The following QPCTL variants were observed in gnomAD, a reference collection of about 807,000 sequenced individuals.
QPCTL encodes the protein glutaminyl-peptide cyclotransferase-like protein.
A neutral mutation model predicts 34.6 loss-of-function variants in QPCTL; 31 were observed. The ratio of observed to expected loss-of-function variants is 0.90; its 90% CI spans 0.67 to 1.21. The LOEUF (loss-of-function observed/expected upper bound fraction) is 1.21. QPCTL is among the 50% of genes most tolerant of loss of function. The pLI, the probability that QPCTL is intolerant of heterozygous loss-of-function variation, is 0.00. For missense variants in QPCTL, 474 were observed against 507.8 expected (o/e 0.93, Z 0.64); for synonymous variants, 223 against 226.9 (o/e 0.98, Z 0.15).
In QPCTL at chr19:45,698,645, C is replaced by T; in HGVS notation, c.732C>T (p.Ala244=). 2 of 1,614,110 alleles carry T rather than the reference C, an allele frequency of 1.2e-6. No homozygotes were observed. Among genetic ancestry groups the T allele is most frequent in the Non-Finnish European group, 1.7e-6 (2 of 1,180,016 alleles). Residue 244 remains alanine (A), a synonymous_variant, in exon 4 of 7, where the codon GCC becomes GCT. Transcript: ENST00000012049. ...KDSLYGSRHL[A]QLMESIPHSP... is the part of the protein sequence containing the mutation. ...CCCTTTACGGTTCCCGGCACCTGGC[C>T]CAGCTCATGGAGTCTATACCTCACA...
chr19:45,701,277 C>CT (rs34262469), intron 5 of QPCTL, among the ~76,000 whole-genome samples: 9,937 of 141,338 alleles, frequency 0.07, 392 homozygotes, highest in African/African-American at 0.12. Context: ...AGAGCAAGAT[C>CT]TTTTTTTTTT....
intron 3 of QPCTL, among the ~76,000 whole-genome samples, chr19:45,697,374 C>T (rs1357639568): frequency 7.0e-5 from 10 of 143,038 alleles, no homozygotes; most frequent in African/African-American, 2.6e-4. Context: ...TGCAGTGAGC[C>T]GAGATCGCGC....
At position 45,695,653 on chromosome 19, in the gene QPCTL, C is replaced by T; in HGVS notation, c.568C>T (p.Pro190Ser). ...TGTAGGGGCCACGGATTCGGCTGTG[C>T]CCTGTGCCCTGCTGCTGGAGCTGGC... ...PFVGATDSAVPCALLLELAQA... is the reference protein window; with the variant it reads ...PFVGATDSAVSCALLLELAQA... Residue 190 changes from proline (P) to serine (S), a missense_variant, in exon 3 of 7, where the codon CCC becomes TCC. Transcript: ENST00000012049. 6.2e-7 allele frequency: 1 copy of T among 1,613,810 alleles called. No homozygotes were observed. The highest frequency in any genetic ancestry group is 8.5e-7 in the Non-Finnish European group (1 of 1,179,946).
In QPCTL at chr19:45,693,319, C is replaced by A. The variant is rs906412280; in HGVS notation, c.208-94C>A. 1.9e-5 allele frequency: 27 copies of A among 1,446,170 alleles called. No homozygotes were observed. The Middle Eastern group carries it at 7.7e-4, about 41-fold the overall frequency. The allele number at this position is 1,446,170 out of a possible 1,614,324, so 89.6% of individuals were successfully genotyped here. On this transcript the variant is annotated intron_variant, in intron 1 of 6. Transcript: ENST00000012049. Reference sequence around the variant, plus strand: ...TGGAGGCGGCAGATTAGGAAGAGAACCCGGGGCTCCTCGCGGGTGACGGCG... The same window carrying A: ...TGGAGGCGGCAGATTAGGAAGAGAAACCGGGGCTCCTCGCGGGTGACGGCG...
At chr19:45,694,587 C>T (rs1035157252) in intron 2 of QPCTL, among the ~76,000 whole-genome samples, 7 of 151,906 alleles carry the variant, frequency 4.6e-5, no homozygotes, top group Non-Finnish European at 4.4e-5. Flanking sequence ...TCTCATGCTT[C>T]AGCCTCCTGA....
Position 45,692,865 on chromosome 19 carries a change from C to G in QPCTL, c.162C>G (p.Gly54=). The G allele has an allele frequency of 6.4e-7, 1 of 1,553,602 alleles. No individual in the cohort carries two copies. Among genetic ancestry groups the G allele is most frequent in the African/African-American group, 1.4e-5 (1 of 73,634 alleles). ...VGSAFYTIWS[G]WHRRTEELPL... is the part of the protein sequence containing the mutation. ...CGGCGTTCTACACCATTTGGAGCGG[C>G]TGGCACCGCAGGACTGAGGAGCTGC... The change falls in exon 1 of 7, where the codon GGC becomes GGG. Residue 54 remains glycine (G), a synonymous_variant. Transcript: ENST00000012049.
In QPCTL at chr19:45,703,099, C is replaced by T. The variant is rs776292861; in HGVS notation, c.*50C>T. 8.7e-6 allele frequency: 14 copies of T among 1,607,598 alleles called. No individual in the cohort carries two copies. The East Asian group carries it at 8.9e-5, about 10-fold the overall frequency. Reference sequence around the variant, plus strand: ...AGGACTGTGAGAGAGAAGGTCCCAGCGGGGGCCAGTGAAGCTCAGGCAGGA... The same window carrying T: ...AGGACTGTGAGAGAGAAGGTCCCAGTGGGGGCCAGTGAAGCTCAGGCAGGA... On this transcript the variant is annotated 3_prime_UTR_variant, in exon 7 of 7. Transcript: ENST00000012049.
intron 3 of QPCTL, among the ~76,000 whole-genome samples, chr19:45,696,892 G>A (rs890121625): frequency 6.6e-6 from 1 of 152,074 alleles, no homozygotes; most frequent in Non-Finnish European, 1.5e-5. Context: ...GGAGGCCGAG[G>A]CAGGCAGATC....
At chr19:45,695,289 AAAAAAAAG>A (rs1967666826) in intron 2 of QPCTL, 140 bp from the exon 3 acceptor site, 1 of 797,430 alleles carries the variant, frequency 1.3e-6, no homozygotes, top group African/African-American at 1.8e-5. Flanking sequence ...CCATCTCAAA[AAAAAAAAG>A]AAAGAAAGAA....
chr19:45,696,159 G>A (rs1967691137), intron 3 of QPCTL, among the ~76,000 whole-genome samples: 1 of 152,036 alleles, frequency 6.6e-6, no homozygotes, highest in Non-Finnish European at 1.5e-5. Flanking sequence ...GCTGTGCCCT[G>A]TTACCTCTCC....
In QPCTL at chr19:45,701,783, C is replaced by T. The variant is rs376881900; in HGVS notation, c.887-15C>T. The stretch of plus-strand genomic sequence containing the variant: ...TAAGGACTAACCCTTCCTCTCTAAT[C>T]GCCCCCACTTCCAGAGAAGCGTCTG... On this transcript the variant is annotated splice_polypyrimidine_tract_variant and intron_variant, in intron 5 of 6. Coordinates refer to ENST00000012049, the MANE Select transcript of QPCTL (RefSeq NM_017659.4). 1.3e-4 allele frequency: 202 copies of T among 1,592,082 alleles called. No homozygotes were observed. Among genetic ancestry groups the T allele is most frequent in the Middle Eastern group, 1.2e-3 (7 of 5,998 alleles).
intron 2 of QPCTL, 60 bp from the exon 3 acceptor site, chr19:45,695,377 C>T: frequency 2.0e-6 from 3 of 1,494,116 alleles, no homozygotes; most frequent in Non-Finnish European, 2.8e-6. Flanking sequence ...GGTCACGTGG[C>T]CCTTCTCCCC....
Position 45,703,192 on chromosome 19 carries a change from C to G in QPCTL, c.*143C>G, listed in dbSNP as rs953366018. ...TCCTAATTGTGCTACAATTGGAAGA[C>G]CTTCTTTCTTTTGATTGTCTCAAGC... On this transcript the variant is annotated 3_prime_UTR_variant, in exon 7 of 7. Transcript: ENST00000012049. 2 of 1,104,092 alleles carry G rather than the reference C, an allele frequency of 1.8e-6. No homozygotes were observed. The highest frequency in any genetic ancestry group is 3.1e-5 in the African/African-American group (2 of 63,558). 68.4% of individuals were successfully genotyped at this position (1,104,092 alleles called of 1,614,324 possible). A position where few individuals can be genotyped will look rare whatever the true frequency, so the allele number is the denominator to read the frequency against.
intron 5 of QPCTL, among the ~76,000 whole-genome samples, 182 bp from the exon 6 acceptor site, chr19:45,701,616 A>C (rs763845408): frequency 6.6e-6 from 1 of 152,072 alleles, no homozygotes; most frequent in Non-Finnish European, 1.5e-5. Flanking sequence ...TATGTCTTAG[A>C]CTCTGAGGGA....
chr19:45,693,990 C>T (rs1190625710), intron 2 of QPCTL, among the ~76,000 whole-genome samples: 1 of 152,050 alleles, frequency 6.6e-6, no homozygotes, highest in Non-Finnish European at 1.5e-5. Flanking sequence ...CTAGTGAGAC[C>T]CAATGTTTAG....
chr19:45,701,740 C>A, intron 5 of QPCTL, 58 bp from the exon 6 acceptor site: 5 of 1,340,740 alleles, frequency 3.7e-6, no homozygotes, highest in Non-Finnish European at 5.2e-6. Flanking sequence ...GATTTGTGGA[C>A]TGGGGACCTT....
intron 2 of QPCTL, 140 bp downstream of exon 2, chr19:45,693,696 G>A (rs1967630170): frequency 1.6e-6 from 2 of 1,230,740 alleles, no homozygotes; most frequent in Non-Finnish European, 2.2e-6. Flanking sequence ...ACTCCATGCT[G>A]GTAACAAACC....
rs1295282563 is a variant in QPCTL at position 45,692,782 on chromosome 19, C to G, written c.79C>G (p.Arg27Gly). 1.3e-6 allele frequency: 2 copies of G among 1,587,978 alleles called. No individual in the cohort carries two copies. Residue 27 changes from arginine (R) to glycine (G), a missense_variant, in exon 1 of 7, where the codon CGC becomes GGC. Arg to Gly is a moderately radical substitution (Grantham distance 125). Coordinates refer to ENST00000012049, the MANE Select transcript of QPCTL (RefSeq NM_017659.4). The stretch of plus-strand genomic sequence containing the variant: ...CATGGAGCCACTCTTGCCGCCGAAG[C>G]GCCGCCTGCTACCGCGGGTTCGGCT... ...GLMEPLLPPK[R>G]RLLPRVRLLP...
chr19:45,695,450 C>T lies in QPCTL; in HGVS notation c.365C>T (p.Thr122Met), dbSNP rs139605762. The T allele has an allele frequency of 6.8e-5, 110 of 1,611,322 alleles. 1 individual carries two copies. The highest frequency in any genetic ancestry group is 4.0e-4 in the South Asian group (36 of 90,996). Residue 122 changes from threonine (T) to methionine (M), a missense_variant, in exon 3 of 7, where the codon ACG (threonine) becomes ATG (methionine). Physicochemically the swap from Thr to Met is moderately conservative, Grantham distance 81. Transcript: ENST00000012049. ...NLQVRKFLEA[T>M]LRSLTAGWHV... is the part of the protein sequence containing the mutation. Reference sequence around the variant, plus strand: ...TCTTGCCGCTAGTTCCTGGAGGCCACGCTGCGGTCCCTGACAGCAGGTTGG... The same window carrying T: ...TCTTGCCGCTAGTTCCTGGAGGCCATGCTGCGGTCCCTGACAGCAGGTTGG...
Sources: allele counts gnomAD v4.1 joint callset (sites outside exome capture counted in the v4.1 genomes callset), GRCh38; gene constraint gnomAD v4.1.1; transcripts MANE v1.5; gene names NCBI Gene and HGNC (gene_info 2026-07-23, HGNC 2026-07-21).